Variants in ACSS3 observed in about 807,000 individuals in gnomAD.
ACSS3 encodes acyl-CoA synthetase short chain family member 3.
In ACSS3, 64 loss-of-function variants were observed where a neutral mutation model predicts 84.2. The observed-to-expected ratio is 0.76, with a 90% CI of 0.62 to 0.94. The LOEUF (loss-of-function observed/expected upper bound fraction) is 0.94. ACSS3 is among the 40% of genes least tolerant of loss of function. The pLI, the probability that ACSS3 is intolerant of heterozygous loss-of-function variation, is 0.00. For missense variants in ACSS3, 815 were observed against 867.6 expected (o/e 0.94, Z 0.76); for synonymous variants, 317 against 310.1 (o/e 1.02, Z -0.23).
chr12:81,225,461 A>C (rs1370354909), intron 11 of ACSS3, among the ~76,000 whole-genome samples: 1 of 151,892 alleles, frequency 6.6e-6, no homozygotes, highest in Non-Finnish European at 1.5e-5. Flanking sequence ...TAGTTTTCTG[A>C]GAGCATCTCA....
rs1354287403 is a variant in ACSS3, at chr12:81,152,039, A to G, written c.1041A>G (p.Gly347=). Residue 347 remains glycine, a synonymous_variant, in exon 7 of 16, where the codon GGA becomes GGG. Coordinates refer to ENST00000548058, the MANE Select transcript of ACSS3 (RefSeq NM_024560.4). ...CTTCTGACTTAGGCTGGGTTGTTGG[A>G]CATTCCTATATCTGCTATGGACCTC... The part of the protein sequence containing the change: ...WAASDLGWVV[G]HSYICYGPLL... The G allele has an allele frequency of 2.5e-6, 4 of 1,613,562 alleles. No individual in the cohort carries two copies. Among genetic ancestry groups the G allele is most frequent in the South Asian group, 1.1e-5 (1 of 91,014 alleles).
intron 7 of ACSS3, among the ~76,000 whole-genome samples, chr12:81,157,762 G>A (rs550889498): frequency 1.9e-3 from 296 of 152,036 alleles, no homozygotes; most frequent in Middle Eastern, 6.8e-3. Context: ...AGCCAAGATC[G>A]CAACACTGCA....
chr12:81,159,118 G>A (rs924097623), intron 7 of ACSS3, among the ~76,000 whole-genome samples: 4 of 152,112 alleles, frequency 2.6e-5, no homozygotes, highest in Non-Finnish European at 4.4e-5. Flanking sequence ...AGGACTGCAT[G>A]AGCAACTTAT....
rs374631407 is a variant in ACSS3 at position 81,143,087 on chromosome 12, C to T, written c.781-20C>T. ...TAATCTCCTTATTACAGTACATATTCTTATATTTTTGCTGTGTAGGAGGCG... is the reference window on the plus strand; with the variant it reads ...TAATCTCCTTATTACAGTACATATTTTTATATTTTTGCTGTGTAGGAGGCG... On this transcript the variant is annotated intron_variant, in intron 4 of 15. Coordinates refer to ENST00000548058, the MANE Select transcript of ACSS3 (RefSeq NM_024560.4). 52 of 1,605,566 alleles carry T rather than the reference C, an allele frequency of 3.2e-5. No individual in the cohort carries two copies. Among genetic ancestry groups the T allele is most frequent in the Non-Finnish European group, 4.1e-5 (48 of 1,174,712 alleles).
intron 9 of ACSS3, among the ~76,000 whole-genome samples, chr12:81,213,902 G>GTCCTTCCT (rs1305105388): frequency 3.2e-4 from 7 of 21,698 alleles, no homozygotes; most frequent in Admixed American, 7.2e-4. Flanking sequence ...TCTTTCTTTT[G>GTCCTTCCT]TCCTTCCTTC....
At chr12:81,098,822 T>C (rs2121399125) in intron 1 of ACSS3, among the ~76,000 whole-genome samples, 1 of 152,330 alleles carries the variant, frequency 6.6e-6, no homozygotes, top group Non-Finnish European at 1.5e-5. Flanking sequence ...CCACATTCCC[T>C]AGTTTAGAAT....
chr12:81,182,254 A>C (rs1396816475), intron 8 of ACSS3, among the ~76,000 whole-genome samples: 1 of 152,202 alleles, frequency 6.6e-6, no homozygotes, highest in Non-Finnish European at 1.5e-5. Flanking sequence ...TGCTGAAAGG[A>C]ATAAGAATAA....
intron 7 of ACSS3, among the ~76,000 whole-genome samples, chr12:81,155,929 A>G (rs938942306): frequency 6.6e-6 from 1 of 152,206 alleles, no homozygotes; most frequent in Non-Finnish European, 1.5e-5. Context: ...ATAGAAAACT[A>G]TTCTCGACAG....
At chr12:81,246,108 G>C (rs968921418) in intron 13 of ACSS3, among the ~76,000 whole-genome samples, 5 of 152,178 alleles carry the variant, frequency 3.3e-5, no homozygotes, top group African/African-American at 1.2e-4. Context: ...TGCTGCTGCA[G>C]AGAGCAAGTG....
chr12:81,255,208 C>A lies in ACSS3; in HGVS notation c.*286C>A. 9.0e-6 allele frequency: 2 copies of A among 222,374 alleles called. No homozygotes were observed. The highest frequency in any genetic ancestry group is 1.7e-5 in the Non-Finnish European group (2 of 115,354). 13.8% of individuals were successfully genotyped at this position (222,374 alleles called of 1,614,324 possible). ...CTAGTGTATTATTTTTAAAATTGTA[C>A]CTCCCAAGAAGAACACTTTAATTGA... On this transcript the variant is annotated 3_prime_UTR_variant, in exon 16 of 16. Transcript: ENST00000548058.
chr12:81,101,921 G>GT (rs1022072297), intron 1 of ACSS3, among the ~76,000 whole-genome samples: 1 of 151,652 alleles, frequency 6.6e-6, no homozygotes, highest in Non-Finnish European at 1.5e-5. Flanking sequence ...GGATTTTTAA[G>GT]TTTTTTCTTA....
intron 4 of ACSS3, among the ~76,000 whole-genome samples, chr12:81,139,699 G>T (rs566963496): frequency 6.7e-6 from 1 of 150,362 alleles, no homozygotes; most frequent in Non-Finnish European, 1.5e-5. Flanking sequence ...TGCAGTGGCC[G>T]ATGTCCGCTC....
At chr12:81,112,080 A>G (rs1883646444) in intron 2 of ACSS3, among the ~76,000 whole-genome samples, 1 of 152,172 alleles carries the variant, frequency 6.6e-6, no homozygotes, top group Admixed American at 6.6e-5. Context: ...ACGAGGCTGC[A>G]TTCCATTATA....
At chr12:81,082,461 G>A (rs188425553) in intron 1 of ACSS3, among the ~76,000 whole-genome samples, 3 of 152,284 alleles carry the variant, frequency 2.0e-5, no homozygotes, top group East Asian at 1.9e-4. Flanking sequence ...AGATCAAAAT[G>A]AGTAGGAGTT....
At chr12:81,109,276 C>G (rs1426050943) in intron 1 of ACSS3, among the ~76,000 whole-genome samples, 1 of 152,066 alleles carries the variant, frequency 6.6e-6, no homozygotes, top group Non-Finnish European at 1.5e-5. Flanking sequence ...TGCTCTATAC[C>G]CTAGTTTTAT....
At chr12:81,155,476 T>C (rs1339414929) in intron 7 of ACSS3, among the ~76,000 whole-genome samples, 1 of 152,212 alleles carries the variant, frequency 6.6e-6, no homozygotes, top group Non-Finnish European at 1.5e-5. Context: ...AACTGAGTTC[T>C]GTATCTCCAC....
chr12:81,109,876 T>C (rs1287959010), intron 2 of ACSS3, among the ~76,000 whole-genome samples, 172 bp downstream of exon 2: 1 of 152,204 alleles, frequency 6.6e-6, no homozygotes, highest in Non-Finnish European at 1.5e-5. Context: ...ATGTAGACAG[T>C]TTTTATAGCC....
intron 9 of ACSS3, among the ~76,000 whole-genome samples, chr12:81,201,558 G>A (rs935228650): frequency 6.6e-6 from 1 of 152,162 alleles, no homozygotes; most frequent in African/African-American, 2.4e-5. Context: ...TGAGGTCCCT[G>A]GTGGATACTC....
intron 9 of ACSS3, among the ~76,000 whole-genome samples, chr12:81,200,022 A>G (rs558287885): frequency 1.6e-4 from 25 of 152,332 alleles, no homozygotes; most frequent in Admixed American, 1.4e-3. Context: ...GTCATTACAT[A>G]TGTAATTTGT....
Sources: gnomAD v4.1 joint callset for allele counts (sites outside exome capture counted in the v4.1 genomes callset) on GRCh38, gnomAD v4.1.1 for gene constraint, MANE v1.5 for transcripts, NCBI Gene and HGNC (gene_info 2026-07-23, HGNC 2026-07-21) for gene names.